TBC1D22A: variants seen among roughly 807,000 people sequenced by gnomAD.
TBC1D22A encodes TBC1 domain family member 22A.
Under a neutral mutation model 60.2 loss-of-function variants are expected in TBC1D22A, and 38 were observed. That is an observed-to-expected ratio of 0.63 (90% CI 0.49 to 0.83). The LOEUF (loss-of-function observed/expected upper bound fraction) is 0.83. Among genes scored for constraint, TBC1D22A ranks in the 40% least tolerant of loss-of-function variants. The probability of loss-of-function intolerance (pLI) is 0.00; values close to 1 mark genes in which losing one functional copy is unlikely to be tolerated. For synonymous variants in TBC1D22A, 302 were observed against 281.7 expected (o/e 1.07, Z -0.72); for missense variants, 628 against 701.0 (o/e 0.90, Z 1.18).
At chr22:47,046,338 C>G (rs1416139181) in intron 11 of TBC1D22A, among the ~76,000 whole-genome samples, 3 of 152,186 alleles carry the variant, frequency 2.0e-5, no homozygotes, top group African/African-American at 7.2e-5. Context: ...TCTGTAGGTC[C>G]TGTCGCTTCC....
At chr22:47,020,401 G>T (rs2148336108) in intron 10 of TBC1D22A, among the ~76,000 whole-genome samples, 1 of 152,230 alleles carries the variant, frequency 6.6e-6, no homozygotes, top group African/African-American at 2.4e-5. Flanking sequence ...TGTAGACTTG[G>T]GTTGCATCAG....
intron 12 of TBC1D22A, among the ~76,000 whole-genome samples, chr22:47,154,197 C>T (rs752718318): frequency 4.6e-5 from 7 of 152,124 alleles, no homozygotes; most frequent in East Asian, 1.9e-4. Flanking sequence ...CGGAGCAGGG[C>T]GGTCCTGTGT....
intron 7 of TBC1D22A, among the ~76,000 whole-genome samples, chr22:46,905,588 G>A (rs1602411456): frequency 1.3e-5 from 2 of 152,254 alleles, no homozygotes; most frequent in African/African-American, 4.8e-5. Flanking sequence ...GCCTGCGGTC[G>A]GTTGGCGGGT....
chr22:46,806,947 G>T (rs1434965330), intron 4 of TBC1D22A, among the ~76,000 whole-genome samples: 1 of 152,348 alleles, frequency 6.6e-6, no homozygotes, highest in South Asian at 2.1e-4. Flanking sequence ...GAGCAAATGT[G>T]TGCAGAGCCA....
At chr22:46,815,100 T>C (rs2085538152) in intron 4 of TBC1D22A, among the ~76,000 whole-genome samples, 1 of 152,270 alleles carries the variant, frequency 6.6e-6, no homozygotes, top group East Asian at 1.9e-4. Flanking sequence ...CATTCTATTA[T>C]TTGGGTGTTT....
intron 12 of TBC1D22A, among the ~76,000 whole-genome samples, chr22:47,133,568 G>A (rs2066755094): frequency 6.6e-6 from 1 of 152,236 alleles, no homozygotes; most frequent in Admixed American, 6.5e-5. Context: ...TACTGCTTAA[G>A]ATGGGACTGT....
intron 7 of TBC1D22A, among the ~76,000 whole-genome samples, chr22:46,903,382 C>T (rs927962008): frequency 2.6e-5 from 4 of 152,212 alleles, no homozygotes; most frequent in Non-Finnish European, 4.4e-5. Context: ...TGTTTGCCCT[C>T]CCCGCCCTGA....
intron 12 of TBC1D22A, among the ~76,000 whole-genome samples, chr22:47,131,511 C>A (rs751959184): frequency 6.6e-6 from 1 of 152,198 alleles, no homozygotes; most frequent in South Asian, 2.1e-4. Flanking sequence ...TTCCCCCTGC[C>A]CCCTGTGGGC....
rs185236286 is a variant in TBC1D22A, at chr22:46,771,804, A to G, written c.62+8956A>G. ...GAGATGGGGTTTCACCATGTTGGCC[A>G]GGCTGGTCTTGAACTCCTGACCTCA... On this transcript the variant is annotated intron_variant, in intron 1 of 12. Coordinates refer to ENST00000337137, the MANE Select transcript of TBC1D22A (RefSeq NM_014346.5). Among the ~76,000 whole-genome samples, 369 of 152,166 alleles carry G rather than the reference A, an allele frequency of 2.4e-3. 1 individual carries two copies. The highest frequency in any genetic ancestry group is 8.5e-3 in the African/African-American group (352 of 41,478).
At chr22:46,892,198 T>C (rs1225155289) in intron 6 of TBC1D22A, among the ~76,000 whole-genome samples, 1 of 152,074 alleles carries the variant, frequency 6.6e-6, no homozygotes, top group Admixed American at 6.6e-5. Context: ...CAGGAATGTT[T>C]CCCTCTGCAA....
In TBC1D22A at chr22:46,846,666, G is replaced by C. The variant is rs1390264770; in HGVS notation, c.638-31987G>C. ...AGTGAAGCAACACACCTATCAGCCAGATTCGGCGGGTATCAAGATACGCCA... is the reference window on the plus strand; with the variant it reads ...AGTGAAGCAACACACCTATCAGCCACATTCGGCGGGTATCAAGATACGCCA... On this transcript the variant is annotated intron_variant, in intron 4 of 12. Coordinates refer to ENST00000337137, the MANE Select transcript of TBC1D22A (RefSeq NM_014346.5). Among the ~76,000 whole-genome samples the C allele has an allele frequency of 3.3e-5, 5 of 152,168 alleles. No homozygotes were observed. The East Asian group carries it at 9.6e-4, about 29-fold the overall frequency.
chr22:47,064,209 C>G (rs185018052), intron 11 of TBC1D22A, among the ~76,000 whole-genome samples: 212 of 152,374 alleles, frequency 1.4e-3, no homozygotes, highest in African/African-American at 4.9e-3. Flanking sequence ...CACCCGTGCT[C>G]TCTCTGTGGT....
chr22:47,112,568 C>T (rs1030410426), intron 12 of TBC1D22A, among the ~76,000 whole-genome samples: 9 of 152,180 alleles, frequency 5.9e-5, no homozygotes, highest in Non-Finnish European at 7.3e-5. Context: ...GACCTCCTGC[C>T]GCCCCGCTTC....
In TBC1D22A at chr22:46,971,036, G is replaced by A. The variant is rs12628012; in HGVS notation, c.1016-3254G>A. Among the ~76,000 whole-genome samples, 69 of 152,304 alleles carry A rather than the reference G, an allele frequency of 4.5e-4. 1 individual carries two copies. In the East Asian group the frequency reaches 0.012, roughly 27 times the overall value. ...GTGGGGGATGCTTTCTCTGGCGGGG[G>A]ATATTTATCTCATTCTAACAATAAG... On this transcript the variant is annotated intron_variant, in intron 8 of 12. Coordinates refer to ENST00000337137, the MANE Select transcript of TBC1D22A (RefSeq NM_014346.5).
At chr22:47,122,801 G>A (rs1055324524) in intron 12 of TBC1D22A, among the ~76,000 whole-genome samples, 3 of 152,214 alleles carry the variant, frequency 2.0e-5, no homozygotes, top group Non-Finnish European at 1.5e-5. Context: ...CCTGGCCTCG[G>A]AAGCTGGTGC....
intron 7 of TBC1D22A, among the ~76,000 whole-genome samples, chr22:46,896,461 A>G (rs904060824): frequency 6.6e-6 from 1 of 152,140 alleles, no homozygotes; most frequent in Non-Finnish European, 1.5e-5. Context: ...ATTTTCATCC[A>G]GAAGTTTTGC....
chr22:47,129,540 C>T (rs567784747), intron 12 of TBC1D22A, among the ~76,000 whole-genome samples: 2 of 152,300 alleles, frequency 1.3e-5, no homozygotes, highest in African/African-American at 2.4e-5. Flanking sequence ...GTGGCACTCA[C>T]GAAGTGGGTG....
intron 11 of TBC1D22A, among the ~76,000 whole-genome samples, chr22:47,103,050 C>T (rs993300943): frequency 3.9e-5 from 6 of 152,184 alleles, no homozygotes. Context: ...TCTCCCAAAC[C>T]CTCACCCTCA....
At chr22:46,969,817 A>G (rs1391126699) in intron 8 of TBC1D22A, among the ~76,000 whole-genome samples, 1 of 152,164 alleles carries the variant, frequency 6.6e-6, no homozygotes, top group African/African-American at 2.4e-5. Flanking sequence ...GATGTAGGGG[A>G]AGAAAGGGCC....
Sources: allele counts gnomAD v4.1 joint callset (sites outside exome capture counted in the v4.1 genomes callset), GRCh38; gene constraint gnomAD v4.1.1; transcripts MANE v1.5; gene names NCBI Gene and HGNC (gene_info 2026-07-23, HGNC 2026-07-21).